The following IL1RAPL1 variants were observed in gnomAD, a reference collection of about 807,000 sequenced individuals.
The protein encoded by IL1RAPL1 is interleukin 1 receptor accessory protein like 1.
Under a neutral mutation model 48.4 loss-of-function variants are expected in IL1RAPL1, and 3 were observed. The ratio of observed to expected loss-of-function variants is 0.06; its 90% CI spans 0.03 to 0.16. IL1RAPL1 has a LOEUF of 0.16. Ranked by LOEUF, IL1RAPL1 falls within the 10% of genes least tolerant of loss-of-function variation. IL1RAPL1 has a pLI of 1.00. For synonymous variants in IL1RAPL1, 185 were observed against 187.7 expected (o/e 0.99, Z 0.12); for missense variants, 349 against 530.6 (o/e 0.66, Z 3.36).
intron 2 of IL1RAPL1, among the ~76,000 whole-genome samples, chrX:29,280,986 A>C (rs1292053932): frequency 8.9e-6 from 1 of 112,360 alleles, no homozygotes; most frequent in African/African-American, 3.2e-5. Context: ...GACTCCTGGC[A>C]CATCGTTAAG....
intron 2 of IL1RAPL1, among the ~76,000 whole-genome samples, chrX:29,216,395 A>G (rs1326083972): frequency 1.8e-5 from 2 of 110,168 alleles, no homozygotes; most frequent in Non-Finnish European, 3.8e-5. Flanking sequence ...GAGTTTTGCC[A>G]TGTTGCCTAG....
chrX:29,313,253 CTGTG>C (rs35894909), intron 3 of IL1RAPL1, among the ~76,000 whole-genome samples: 1,317 of 90,750 alleles, frequency 0.015, 6 homozygotes, highest in Non-Finnish European at 0.022. Flanking sequence ...ACATACAAGC[CTGTG>C]TGTGTGTGTG....
Position 28,793,561 on chromosome X carries a change from C to G in IL1RAPL1, c.82+4136C>G, listed in dbSNP as rs992194511. ...AATATTCTATCTTTACAAGGCCATT[C>G]AAAGAGGTTAGCATAGTCTTTGTTA... is the stretch of plus-strand genomic sequence containing the variant. On this transcript the variant is annotated intron_variant, in intron 2 of 10. Transcript: ENST00000378993. 6.3e-5 allele frequency among the ~76,000 whole-genome samples: 7 copies of G among 111,623 alleles called. No individual in the cohort carries two copies. The East Asian group carries it at 1.7e-3, about 27-fold the overall frequency.
intron 1 of IL1RAPL1, among the ~76,000 whole-genome samples, chrX:28,725,426 TA>T (rs1235851766): frequency 1.8e-5 from 2 of 112,012 alleles, no homozygotes; most frequent in Non-Finnish European, 3.8e-5. Context: ...TTACATATTT[TA>T]TTTTGTGTGT....
At chrX:29,058,048 T>C (rs1420863481) in intron 2 of IL1RAPL1, among the ~76,000 whole-genome samples, 1 of 111,531 alleles carries the variant, frequency 9.0e-6, no homozygotes, top group East Asian at 2.8e-4. Flanking sequence ...TAAGTATTTC[T>C]GTCCATGAAA....
intron 6 of IL1RAPL1, among the ~76,000 whole-genome samples, chrX:29,873,119 A>G (rs1172666029): frequency 1.8e-5 from 2 of 111,812 alleles, no homozygotes; most frequent in African/African-American, 6.5e-5. Flanking sequence ...AACCATTTGA[A>G]TAAAACATAG....
At chrX:29,192,809 A>C (rs906535832) in intron 2 of IL1RAPL1, among the ~76,000 whole-genome samples, 13 of 111,512 alleles carry the variant, frequency 1.2e-4, no homozygotes, top group Non-Finnish European at 2.1e-4. Flanking sequence ...GCGTGTGTGA[A>C]TATATTATGG....
intron 6 of IL1RAPL1, among the ~76,000 whole-genome samples, chrX:29,725,378 G>C (rs908503077): frequency 3.6e-5 from 4 of 111,090 alleles, no homozygotes; most frequent in African/African-American, 1.3e-4. Context: ...AAGCCCTCAT[G>C]GTTGCAAGGA....
chrX:29,839,459 A>G (rs1041327097), intron 6 of IL1RAPL1, among the ~76,000 whole-genome samples: 2 of 112,727 alleles, frequency 1.8e-5, no homozygotes, highest in African/African-American at 6.5e-5. Context: ...TTATCCGGCT[A>G]GTGAGGTTAG....
chrX:29,021,215 G>GAAAA (rs746008500), intron 2 of IL1RAPL1, among the ~76,000 whole-genome samples: 4 of 41,951 alleles, frequency 9.5e-5, no homozygotes, highest in Non-Finnish European at 1.2e-4. Context: ...CCGTCTCAAG[G>GAAAA]AAAAAAAAAA....
chrX:29,521,568 C>G (rs1156863171), intron 5 of IL1RAPL1, among the ~76,000 whole-genome samples: 1 of 112,711 alleles, frequency 8.9e-6, no homozygotes. Flanking sequence ...AGCCCTTGCA[C>G]TTCCAGAATC....
At position 28,659,484 on chromosome X, in the gene IL1RAPL1, C is replaced by T. The variant is rs190616661; in HGVS notation, c.-25+71437C>T. The stretch of plus-strand genomic sequence containing the variant: ...GTAGGAGCCATGATATAGAGACCTC[C>T]TTGCTTAACCACCCTTCTCCTTCGG... On this transcript the variant is annotated intron_variant, in intron 1 of 10. Coordinates refer to ENST00000378993, the MANE Select transcript of IL1RAPL1 (RefSeq NM_014271.4). 737 of 497,173 alleles carry T rather than the reference C, an allele frequency of 1.5e-3. 3 individuals carry two copies. The African/African-American group carries it at 0.015, about 10-fold the overall frequency. The allele number at this position is 497,173 out of a possible 1,213,427, so 41.0% of individuals were successfully genotyped here.
At chrX:29,369,120 G>A (rs961369294) in intron 3 of IL1RAPL1, 1 of 110,965 alleles carries the variant, frequency 9.0e-6, no homozygotes, top group East Asian at 2.8e-4. Flanking sequence ...AGTCCTTCAG[G>A]CCTGTTCTTG....
intron 1 of IL1RAPL1, among the ~76,000 whole-genome samples, chrX:28,624,817 A>G (rs1934320279): frequency 8.9e-6 from 1 of 111,963 alleles, no homozygotes; most frequent in Admixed American, 9.5e-5. Flanking sequence ...GTAGTCCCCA[A>G]TGACTCTGAA....
chrX:28,647,347 C>T (rs189542257), intron 1 of IL1RAPL1, among the ~76,000 whole-genome samples: 1 of 112,058 alleles, frequency 8.9e-6, no homozygotes, highest in East Asian at 2.8e-4. Flanking sequence ...GTTTACATCT[C>T]TCTTCAGCTG....
chrX:29,171,087 C>T (rs1006467230), intron 2 of IL1RAPL1, among the ~76,000 whole-genome samples: 3 of 110,991 alleles, frequency 2.7e-5, no homozygotes, highest in Non-Finnish European at 5.7e-5. Flanking sequence ...ACCTCCACCT[C>T]CCAGGTTCAA....
chrX:29,091,551 T>C (rs1175987079), intron 2 of IL1RAPL1, among the ~76,000 whole-genome samples: 1 of 111,941 alleles, frequency 8.9e-6, no homozygotes, highest in Non-Finnish European at 1.9e-5. Context: ...AAACATTTGA[T>C]TGTGACTGTC....
intron 1 of IL1RAPL1, among the ~76,000 whole-genome samples, chrX:28,688,289 T>C (rs769551115): frequency 1.5e-3 from 164 of 108,643 alleles, no homozygotes; most frequent in Middle Eastern, 9.3e-3. Flanking sequence ...CCTCCCAAGG[T>C]CCTCCACTTG....
rs926916060 is a variant in IL1RAPL1, at chrX:29,574,607, C to A, written c.704-93823C>A. ...ACAATATGTCTTGGCTATTAGCATT[C>A]GGCTCCTCTTTACTTATGCAAATCT... On this transcript the variant is annotated intron_variant, in intron 5 of 10. Coordinates refer to ENST00000378993, the MANE Select transcript of IL1RAPL1 (RefSeq NM_014271.4). Among the ~76,000 whole-genome samples, 20 of 111,260 alleles carry A rather than the reference C, an allele frequency of 1.8e-4. No individual in the cohort carries two copies. The East Asian group carries it at 4.9e-3, about 27-fold the overall frequency.
Sources: gnomAD v4.1 joint callset for allele counts (sites outside exome capture counted in the v4.1 genomes callset) on GRCh38, gnomAD v4.1.1 for gene constraint, MANE v1.5 for transcripts, NCBI Gene and HGNC (gene_info 2026-07-23, HGNC 2026-07-21) for gene names.